Variants in TENM2 observed in about 807,000 individuals in gnomAD.
The protein encoded by TENM2 is teneurin-2.
A neutral mutation model predicts 245.2 loss-of-function variants in TENM2; 52 were observed. The observed-to-expected ratio is 0.21, with a 90% CI of 0.17 to 0.27. The LOEUF (loss-of-function observed/expected upper bound fraction) is 0.27, where lower values mean the gene tolerates loss of function less well. Ranked by LOEUF, TENM2 falls within the 10% of genes least tolerant of loss-of-function variation. The pLI is 1.00. For synonymous variants in TENM2, 1,363 were observed against 1,438.9 expected (o/e 0.95, Z 1.19); for missense variants, 3,046 against 3,666.8 (o/e 0.83, Z 4.37).
At chr5:167,858,442 C>A (rs1175044701) in intron 2 of TENM2, among the ~76,000 whole-genome samples, 1 of 152,266 alleles carries the variant, frequency 6.6e-6, no homozygotes, top group East Asian at 1.9e-4. Context: ...TATCACCTCA[C>A]ATGCAAACTC....
At chr5:167,317,355 G>A (rs954657098) in intron 1 of TENM2, among the ~76,000 whole-genome samples, 7 of 151,746 alleles carry the variant, frequency 4.6e-5, no homozygotes, top group South Asian at 2.1e-4. Context: ...TCTCTGTGGC[G>A]GTTACATATC....
chr5:168,078,837 G>A (rs545383596), intron 7 of TENM2, among the ~76,000 whole-genome samples: 2 of 152,276 alleles, frequency 1.3e-5, no homozygotes, highest in South Asian at 4.1e-4. Context: ...CTGTAGCCTT[G>A]TAGTATAGTT....
At chr5:167,808,696 T>C (rs1766411432) in intron 2 of TENM2, among the ~76,000 whole-genome samples, 1 of 152,216 alleles carries the variant, frequency 6.6e-6, no homozygotes. Flanking sequence ...TTTGTTATTT[T>C]GGGTTGTTTT....
intron 12 of TENM2, among the ~76,000 whole-genome samples, chr5:168,161,135 C>T (rs544303179): frequency 2.0e-5 from 3 of 152,196 alleles, no homozygotes; most frequent in South Asian, 2.1e-4. Context: ...TCTGGAACAC[C>T]GGAGAGAAGA....
chr5:166,985,712 G>T, the TENM2 span, among the ~76,000 whole-genome samples: 1 of 152,120 alleles, frequency 6.6e-6, no homozygotes, highest in Admixed American at 6.5e-5. Flanking sequence ...AGAGAGGGCT[G>T]TGGATGAGTG....
At chr5:167,841,677 T>C (rs1185473243) in intron 2 of TENM2, among the ~76,000 whole-genome samples, 1 of 152,172 alleles carries the variant, frequency 6.6e-6, no homozygotes, top group Non-Finnish European at 1.5e-5. Flanking sequence ...GCTGATATCC[T>C]ATATTGTCTA....
chr5:167,517,090 A>G (rs1770432679), intron 2 of TENM2, among the ~76,000 whole-genome samples: 1 of 152,214 alleles, frequency 6.6e-6, no homozygotes, highest in African/African-American at 2.4e-5. Flanking sequence ...TTGGCTAACT[A>G]GGAAAGGCTA....
intron 2 of TENM2, among the ~76,000 whole-genome samples, chr5:167,875,512 C>T (rs75681774): frequency 0.032 from 4,944 of 152,234 alleles, 213 homozygotes; most frequent in African/African-American, 0.093. Flanking sequence ...ATTGGGAAGT[C>T]ACTGGAGTGT....
At chr5:168,199,983 G>C in exon 17 of TENM2, 1 of 1,613,980 alleles carries the variant, frequency 6.2e-7, no homozygotes. Context: ...CAGTGCCCCT[G>C]AACCTCATTA....
chr5:167,870,060 C>A (rs1324299441), intron 2 of TENM2, among the ~76,000 whole-genome samples: 1 of 152,138 alleles, frequency 6.6e-6, no homozygotes, highest in East Asian at 1.9e-4. Flanking sequence ...TGTTTAAATC[C>A]TCTTGCTTAA....
intron 12 of TENM2, among the ~76,000 whole-genome samples, chr5:168,142,019 C>A (rs2152402194): frequency 6.6e-6 from 1 of 152,304 alleles, no homozygotes; most frequent in African/African-American, 2.4e-5. Flanking sequence ...ACACATATCC[C>A]CAGTGCTGCC....
chr5:167,598,146 T>C (rs1177134932), intron 2 of TENM2, among the ~76,000 whole-genome samples: 1 of 152,236 alleles, frequency 6.6e-6, no homozygotes, highest in Non-Finnish European at 1.5e-5. Flanking sequence ...TTTCCATTTT[T>C]ACTTTACGTA....
chr5:168,070,708 G>A (rs1024517376), intron 7 of TENM2, among the ~76,000 whole-genome samples: 1 of 151,328 alleles, frequency 6.6e-6, no homozygotes, highest in Non-Finnish European at 1.5e-5. Flanking sequence ...AGGATTGCTT[G>A]AGCCCAGGAG....
the TENM2 span, among the ~76,000 whole-genome samples, chr5:167,130,912 TAAAAA>T: frequency 1.7e-5 from 2 of 118,356 alleles, no homozygotes; most frequent in African/African-American, 7.1e-5. Flanking sequence ...TTTTTTTTTT[TAAAAA>T]AAAAAAAGAA....
intron 20 of TENM2, 131 bp downstream of exon 22, chr5:168,211,885 T>G (rs2152554191): frequency 1.8e-6 from 1 of 563,924 alleles, no homozygotes; most frequent in East Asian, 3.2e-5. Context: ...CTTTTTTATG[T>G]GCTAATTGTG....
At chr5:167,891,072 G>A (rs1774716095) in intron 3 of TENM2, among the ~76,000 whole-genome samples, 1 of 151,960 alleles carries the variant, frequency 6.6e-6, no homozygotes, top group Non-Finnish European at 1.5e-5. Flanking sequence ...TTTTCTTAAT[G>A]TACTCTATGT....
intron 2 of TENM2, among the ~76,000 whole-genome samples, chr5:167,660,896 T>C (rs1755168999): frequency 6.6e-6 from 1 of 152,206 alleles, no homozygotes; most frequent in Non-Finnish European, 1.5e-5. Flanking sequence ...CAGTAGCTTG[T>C]GGGTGCTGGG....
the TENM2 span, among the ~76,000 whole-genome samples, chr5:167,248,481 T>C: frequency 2.6e-5 from 4 of 152,038 alleles, no homozygotes; most frequent in African/African-American, 9.7e-5. Context: ...TGAGAATTTG[T>C]ATTGCTAAGG....
chr5:167,526,429 A>T (rs1298290081), intron 2 of TENM2, among the ~76,000 whole-genome samples: 1 of 151,526 alleles, frequency 6.6e-6, no homozygotes, highest in Non-Finnish European at 1.5e-5. Flanking sequence ...ACAGATTGCT[A>T]ACAGTGGGGT....
Sources: allele counts gnomAD v4.1 joint callset (sites outside exome capture counted in the v4.1 genomes callset), GRCh38; gene constraint gnomAD v4.1.1; transcripts MANE v1.5; gene names NCBI Gene and HGNC (gene_info 2026-07-23, HGNC 2026-07-21).